The following HECW1 variants were observed in gnomAD, a reference collection of about 807,000 sequenced individuals.
HECW1 encodes HECT, C2 and WW domain containing E3 ubiquitin protein ligase 1.
HECW1 carries 61 observed loss-of-function variants against 182.3 expected under a neutral mutation model. The observed-to-expected ratio is 0.33, with a 90% CI of 0.27 to 0.41. The LOEUF (loss-of-function observed/expected upper bound fraction) is 0.41, where lower values mean the gene tolerates loss of function less well. HECW1 is among the 10% of genes least tolerant of loss of function. The probability of loss-of-function intolerance (pLI) is 1.00; values close to 1 mark genes in which losing one functional copy is unlikely to be tolerated. For synonymous variants in HECW1, 859 were observed against 832.6 expected, an observed-to-expected ratio of 1.03 and a Z score of -0.55; for missense variants, 1,739 against 2,108.9, an observed-to-expected ratio of 0.82 and a Z score of 3.44.
chr7:43,281,739 T>TAG (rs1803948230), intron 3 of HECW1, among the ~76,000 whole-genome samples: 2 of 125,022 alleles, frequency 1.6e-5, no homozygotes, highest in Admixed American at 1.7e-4. Flanking sequence ...TTTTTTTTTT[T>TAG]AGAGAGACAA....
At chr7:43,198,728 C>G (rs1014583839) in intron 2 of HECW1, among the ~76,000 whole-genome samples, 4 of 120,632 alleles carry the variant, frequency 3.3e-5, no homozygotes, top group Non-Finnish European at 1.8e-5. Flanking sequence ...TTTGCACACT[C>G]TCACACCCCA....
intron 8 of HECW1, among the ~76,000 whole-genome samples, chr7:43,435,947 G>A (rs149964291): frequency 0.01 from 1,581 of 152,276 alleles, 36 homozygotes; most frequent in African/African-American, 0.035. Context: ...GGCGGATCAC[G>A]AGGTCAGGAG....
chr7:43,416,619 TC>T (rs1446396517), intron 8 of HECW1, among the ~76,000 whole-genome samples: 9 of 149,320 alleles, frequency 6.0e-5, no homozygotes, highest in African/African-American at 7.4e-5. Context: ...CGGGCACCCC[TC>T]CCCCAGCCTC....
chr7:43,261,716 G>A (rs1691853036), intron 3 of HECW1, among the ~76,000 whole-genome samples: 1 of 152,122 alleles, frequency 6.6e-6, no homozygotes, highest in Non-Finnish European at 1.5e-5. Flanking sequence ...CTGACAAAGC[G>A]AAAATTCAGA....
intron 3 of HECW1, among the ~76,000 whole-genome samples, chr7:43,265,269 A>G (rs1432489225): frequency 6.6e-6 from 1 of 152,122 alleles, no homozygotes; most frequent in African/African-American, 2.4e-5. Flanking sequence ...GGTTCTGCAC[A>G]GCCATTTAAA....
In HECW1 at chr7:43,174,906, T is replaced by C. The variant is rs77684281; in HGVS notation, c.-32+60515T>C. On this transcript the variant is annotated intron_variant, in intron 2 of 29. Transcript: ENST00000395891. ...GGAATATACTTACTCATCTCTGTTT[T>C]GTTCTATTTAAAATTTTATTATATA... Among the ~76,000 whole-genome samples the C allele has an allele frequency of 4.2e-3, 644 of 152,292 alleles. 5 individuals carry two copies. The highest frequency in any genetic ancestry group is 0.015 in the African/African-American group (609 of 41,568).
intron 2 of HECW1, among the ~76,000 whole-genome samples, chr7:43,197,157 G>T (rs891636504): frequency 6.6e-6 from 1 of 151,746 alleles, no homozygotes; most frequent in Non-Finnish European, 1.5e-5. Context: ...AGAATTTATA[G>T]AAAAAAATAG....
At chr7:43,354,187 TAAAA>T (rs34351679) in intron 5 of HECW1, among the ~76,000 whole-genome samples, 1 of 121,690 alleles carries the variant, frequency 8.2e-6, no homozygotes, top group South Asian at 2.7e-4. Flanking sequence ...TATCCAATAA[TAAAA>T]AAAAAAAAAG....
At chr7:43,239,474 T>C (rs1424128868) in intron 2 of HECW1, among the ~76,000 whole-genome samples, 1 of 152,128 alleles carries the variant, frequency 6.6e-6, no homozygotes, top group Non-Finnish European at 1.5e-5. Context: ...CACACTGTGC[T>C]AGGGTCTTTG....
intron 12 of HECW1, 149 bp from the exon 13 acceptor site, chr7:43,456,148 C>T (rs891821862): frequency 1.0e-4 from 61 of 608,728 alleles, no homozygotes; most frequent in African/African-American, 9.1e-4. Flanking sequence ...CCCCAGAAGT[C>T]GTGGTGGCAG....
At chr7:43,291,472 G>A (rs1805393868) in intron 3 of HECW1, among the ~76,000 whole-genome samples, 3 of 152,204 alleles carry the variant, frequency 2.0e-5, no homozygotes, top group Admixed American at 6.5e-5. Flanking sequence ...AGCATGTCCT[G>A]CACAAATATC....
At chr7:43,433,701 G>T (rs561315016) in intron 8 of HECW1, among the ~76,000 whole-genome samples, 67 of 152,318 alleles carry the variant, frequency 4.4e-4, no homozygotes, top group African/African-American at 1.6e-3. Context: ...CCAAGAAAGA[G>T]AATTCAGACT....
chr7:43,192,529 T>C (rs1231274653), intron 2 of HECW1, among the ~76,000 whole-genome samples: 1 of 150,260 alleles, frequency 6.7e-6, no homozygotes. Context: ...ATAAACTTCA[T>C]AAAAAGAAAA....
chr7:43,214,290 G>A (rs1223000614), intron 2 of HECW1, among the ~76,000 whole-genome samples: 2 of 151,918 alleles, frequency 1.3e-5, no homozygotes, highest in Non-Finnish European at 2.9e-5. Flanking sequence ...AATGTGAAAG[G>A]AGATTGTAAC....
At chr7:43,123,032 A>G (rs1004644829) in intron 2 of HECW1, among the ~76,000 whole-genome samples, 1 of 152,246 alleles carries the variant, frequency 6.6e-6, no homozygotes, top group African/African-American at 2.4e-5. Context: ...ATGTCCAAAG[A>G]CAAAGCAGAA....
At chr7:43,242,313 C>T (rs188431225) in intron 2 of HECW1, among the ~76,000 whole-genome samples, 3 of 152,174 alleles carry the variant, frequency 2.0e-5, no homozygotes, top group East Asian at 3.9e-4. Flanking sequence ...AGGTTTGGAC[C>T]ACGCTGGAGG....
chr7:43,307,472 G>A (rs189614374), intron 3 of HECW1, among the ~76,000 whole-genome samples: 23 of 152,302 alleles, frequency 1.5e-4, no homozygotes, highest in East Asian at 1.3e-3. Flanking sequence ...GAGGTCTCCT[G>A]TTGGGGAGAT....
intron 4 of HECW1, 112 bp from the exon 5 acceptor site, chr7:43,320,523 T>C (rs1809972961): frequency 4.1e-6 from 3 of 728,358 alleles, no homozygotes; most frequent in Admixed American, 5.3e-5. Flanking sequence ...AGGTGCTTTT[T>C]CTTCTGTTGA....
chr7:43,515,133 G>A (rs1315143043), intron 24 of HECW1, among the ~76,000 whole-genome samples: 1 of 152,184 alleles, frequency 6.6e-6, no homozygotes, highest in East Asian at 1.9e-4. Flanking sequence ...AGAGGAGTGG[G>A]GAATTCTAGA....
Sources: gnomAD v4.1 joint callset for allele counts (sites outside exome capture counted in the v4.1 genomes callset) on GRCh38, gnomAD v4.1.1 for gene constraint, MANE v1.5 for transcripts, NCBI Gene and HGNC (gene_info 2026-07-23, HGNC 2026-07-21) for gene names.